The following MFSD11 variants were observed in gnomAD, a reference collection of about 807,000 sequenced individuals.
The protein encoded by MFSD11 is major facilitator superfamily domain containing 11, also known as UNC93-like protein MFSD11.
Under a neutral mutation model 53.5 loss-of-function variants are expected in MFSD11, and 36 were observed. The observed-to-expected ratio is 0.67, with a 90% CI of 0.52 to 0.89. The LOEUF is 0.89. MFSD11 is among the 40% of genes least tolerant of loss of function. The pLI, the probability that MFSD11 is intolerant of heterozygous loss-of-function variation, is 0.00. For synonymous variants in MFSD11, 186 were observed against 184.9 expected, an observed-to-expected ratio of 1.01 and a Z score of -0.05; for missense variants, 530 against 543.9, an observed-to-expected ratio of 0.97 and a Z score of 0.25.
the MFSD11 span, among the ~76,000 whole-genome samples, chr17:76,787,364 T>C: frequency 6.7e-6 from 1 of 149,942 alleles, no homozygotes; most frequent in Non-Finnish European, 1.5e-5. Context: ...CTTGAACTCC[T>C]GACCTCAGGT....
At chr17:76,780,392 A>G (rs116908588), downstream of MFSD11, among the ~76,000 whole-genome samples, 4,447 of 150,304 alleles carry the variant, frequency 0.03, 87 homozygotes, top group East Asian at 0.081. Context: ...CTGGTCTTGA[A>G]CTCCTGGGCT....
In MFSD11 at chr17:76,742,231, T is replaced by A; in HGVS notation, c.395T>A (p.Ile132Asn). 1.2e-6 allele frequency: 2 copies of A among 1,614,186 alleles called. No individual in the cohort carries two copies. The highest frequency in any genetic ancestry group is 1.7e-6 in the Non-Finnish European group (2 of 1,180,026). ...CLTINSDEHS[I>N]GRNSGIFWAL... ...ACAATCAATTCGGATGAGCACAGCA[T>A]TGGGAGAAACAGTGGGATTTTCTGG... Residue 132 changes from isoleucine (I) to asparagine (N), a missense_variant, in exon 5 of 13, where the codon ATT (isoleucine) becomes AAT (asparagine). Ile to Asn is a moderately radical substitution (Grantham distance 149). Transcript: ENST00000685175.
chr17:76,740,368 A>G (rs1019484841), intron 2 of MFSD11, among the ~76,000 whole-genome samples: 28 of 152,166 alleles, frequency 1.8e-4, no homozygotes, highest in Non-Finnish European at 1.6e-4. Context: ...CTGAGTAATA[A>G]TGTTCAAGTG....
At chr17:76,736,761 C>T (rs1426028323), upstream of MFSD11, 12 of 1,400,658 alleles carry the variant, frequency 8.6e-6, no homozygotes, top group Non-Finnish European at 1.1e-5. Context: ...TCCCGCGCGC[C>T]CCGCCCCGCC....
chr17:76,743,755 T>A (rs928130309), intron 6 of MFSD11, among the ~76,000 whole-genome samples: 4 of 152,150 alleles, frequency 2.6e-5, no homozygotes, highest in Non-Finnish European at 4.4e-5. Flanking sequence ...TAGCTGGGAT[T>A]ACAGGCCTGC....
chr17:76,785,940 A>G (rs999344798), downstream of MFSD11, among the ~76,000 whole-genome samples: 2 of 151,566 alleles, frequency 1.3e-5, no homozygotes, highest in East Asian at 2.0e-4. Flanking sequence ...TTAGCTGGGC[A>G]TGGTGGTGGG....
chr17:76,793,414 C>T, the MFSD11 span, among the ~76,000 whole-genome samples: 7 of 151,438 alleles, frequency 4.6e-5, no homozygotes, highest in East Asian at 3.9e-4. Context: ...GGCTCTGTTC[C>T]GCCCGGCTCA....
chr17:76,798,886 G>T, the MFSD11 span, among the ~76,000 whole-genome samples: 1 of 151,758 alleles, frequency 6.6e-6, no homozygotes, highest in Non-Finnish European at 1.5e-5. Context: ...AATTAGCCAG[G>T]CATGGTGGCA....
chr17:76,737,252 C>T, upstream of MFSD11: 4 of 1,442,906 alleles, frequency 2.8e-6, no homozygotes, highest in Non-Finnish European at 2.8e-6. Context: ...CAGTTGCCTT[C>T]CGCGTGGGGA....
chr17:76,747,478 G>T (rs1194184335), intron 7 of MFSD11, among the ~76,000 whole-genome samples: 2 of 152,118 alleles, frequency 1.3e-5, no homozygotes, highest in African/African-American at 2.4e-5. Context: ...GGGACTACAG[G>T]CACATGCCAC....
chr17:76,758,659 C>T (rs550044898), intron 8 of MFSD11, among the ~76,000 whole-genome samples: 3 of 146,686 alleles, frequency 2.0e-5, no homozygotes, highest in Non-Finnish European at 3.0e-5. Context: ...AAACTTGAAA[C>T]GGCAAGGAAA....
the MFSD11 span, among the ~76,000 whole-genome samples, chr17:76,792,717 G>A: frequency 6.6e-6 from 1 of 151,428 alleles, no homozygotes; most frequent in Admixed American, 6.6e-5. Context: ...TTGAGATGGG[G>A]AGATTATCTG....
intron 7 of MFSD11, among the ~76,000 whole-genome samples, chr17:76,750,437 C>A (rs954245889): frequency 6.9e-6 from 1 of 144,588 alleles, no homozygotes; most frequent in African/African-American, 2.6e-5. Flanking sequence ...GGCGCAAACT[C>A]GGCTCCGCCT....
intron 8 of MFSD11, among the ~76,000 whole-genome samples, chr17:76,761,450 T>TATA: frequency 6.6e-6 from 1 of 152,228 alleles, no homozygotes; most frequent in East Asian, 1.9e-4. Flanking sequence ...ATATAATAGA[T>TATA]TACCCTAGCC....
At chr17:76,743,904 C>T (rs1173085362) in intron 6 of MFSD11, among the ~76,000 whole-genome samples, 1 of 152,170 alleles carries the variant, frequency 6.6e-6, no homozygotes, top group Non-Finnish European at 1.5e-5. Context: ...CCTGAGCCAT[C>T]CCTCCCAGCC....
At chr17:76,799,934 CT>C in the MFSD11 span, among the ~76,000 whole-genome samples, 4 of 148,452 alleles carry the variant, frequency 2.7e-5, no homozygotes, top group South Asian at 2.1e-4. Flanking sequence ...CTTTTCTTCT[CT>C]TTTTTTCTTT....
chr17:76,788,648 G>A, the MFSD11 span, among the ~76,000 whole-genome samples: 3 of 149,010 alleles, frequency 2.0e-5, no homozygotes, highest in Non-Finnish European at 4.5e-5. Flanking sequence ...TCAGGAGTTC[G>A]AGACCAGCCT....
chr17:76,769,934 T>G, intron 10 of MFSD11, 63 bp downstream of exon 10: 1 of 1,459,948 alleles, frequency 6.8e-7, no homozygotes, highest in African/African-American at 1.4e-5. Flanking sequence ...AAATAGAAAT[T>G]TTAAGTGTGC....
At chr17:76,755,488 T>G (rs995535448) in intron 8 of MFSD11, among the ~76,000 whole-genome samples, 4 of 151,978 alleles carry the variant, frequency 2.6e-5, no homozygotes, top group Non-Finnish European at 5.9e-5. Flanking sequence ...CTTATGGCCC[T>G]TGAGTACTTA....
Sources: allele counts gnomAD v4.1 joint callset (sites outside exome capture counted in the v4.1 genomes callset), GRCh38; gene constraint gnomAD v4.1.1; transcripts MANE v1.5; gene names NCBI Gene and HGNC (gene_info 2026-07-23, HGNC 2026-07-21).